The following RIMBP2 variants were observed in gnomAD, a reference collection of about 807,000 sequenced individuals.
RIMBP2 encodes RIMS-binding protein 2.
Under a neutral mutation model 118.6 loss-of-function variants are expected in RIMBP2, and 48 were observed. The observed-to-expected ratio is 0.40, with a 90% confidence interval of 0.32 to 0.51. RIMBP2 has a LOEUF of 0.51. Among genes scored for constraint, RIMBP2 ranks in the 20% least tolerant of loss-of-function variants. RIMBP2 has a pLI of 0.41. For synonymous variants in RIMBP2, 762 were observed against 742.9 expected (o/e 1.03, Z -0.42); for missense variants, 1,551 against 1,768.3 (o/e 0.88, Z 2.20).
At chr12:130,573,071 G>A (rs889185878) in intron 2 of RIMBP2, among the ~76,000 whole-genome samples, 3 of 152,178 alleles carry the variant, frequency 2.0e-5, no homozygotes, top group African/African-American at 7.2e-5. Context: ...GCCCCAAAAC[G>A]TGGTCAGACC....
intron 4 of RIMBP2, among the ~76,000 whole-genome samples, chr12:130,500,489 A>G (rs2049642790): frequency 1.3e-5 from 2 of 152,272 alleles, no homozygotes; most frequent in South Asian, 4.2e-4. Context: ...AAATAAATAA[A>G]TAAGCCATGT....
chr12:130,574,916 A>T (rs4999240), intron 2 of RIMBP2, among the ~76,000 whole-genome samples: 37,731 of 146,894 alleles, frequency 0.26, 5,976 homozygotes, highest in East Asian at 0.36. Context: ...TGTGAGCAGA[A>T]GACCTGAGTG....
intron 2 of RIMBP2, among the ~76,000 whole-genome samples, 162 bp downstream of exon 2, chr12:130,628,160 A>G (rs1246097115): frequency 2.0e-5 from 3 of 152,148 alleles, no homozygotes; most frequent in Non-Finnish European, 4.4e-5. Context: ...GAGGGTAAGG[A>G]ACACATCTGC....
chr12:130,557,332 C>T (rs191468109), intron 2 of RIMBP2, among the ~76,000 whole-genome samples: 9 of 152,268 alleles, frequency 5.9e-5, no homozygotes, highest in East Asian at 1.9e-4. Context: ...CCAACTGTCA[C>T]GCCACACGTT....
At chr12:130,580,897 GC>G (rs2058430749) in intron 2 of RIMBP2, among the ~76,000 whole-genome samples, 1 of 152,098 alleles carries the variant, frequency 6.6e-6, no homozygotes. Context: ...CCGAGAAACA[GC>G]CCGGGAGACA....
At chr12:130,549,446 TAC>T (rs2055515676) in intron 2 of RIMBP2, among the ~76,000 whole-genome samples, 1 of 152,188 alleles carries the variant, frequency 6.6e-6, no homozygotes, top group South Asian at 2.1e-4. Context: ...GGGCTTGTCG[TAC>T]AGATTATGTC....
At chr12:130,607,699 T>C (rs1423287235) in intron 2 of RIMBP2, among the ~76,000 whole-genome samples, 1 of 151,964 alleles carries the variant, frequency 6.6e-6, no homozygotes, top group African/African-American at 2.4e-5. Flanking sequence ...CCTGCATTGG[T>C]CAGAAACTGC....
chr12:130,705,766 GC>G lies in RIMBP2; in HGVS notation c.-352+10455del, dbSNP rs1420756438. ...CCAACACAGACAGGGCAGGCCCAGT[GC>G]CCCAAGGCAAACGCCCACCAATGGG... On this transcript the variant is annotated intron_variant, in intron 1 of 22. Transcript: ENST00000690449. Among the ~76,000 whole-genome samples the G allele has an allele frequency of 6.6e-5, 10 of 152,356 alleles. No homozygotes were observed. In the East Asian group the frequency reaches 1.9e-3, roughly 29 times the overall value.
At chr12:130,454,094 T>G (rs1424950509) in intron 7 of RIMBP2, among the ~76,000 whole-genome samples, 3 of 152,136 alleles carry the variant, frequency 2.0e-5, no homozygotes, top group African/African-American at 4.8e-5. Context: ...GATTATAGAC[T>G]TGAAGTTTAC....
At chr12:130,650,971 A>AAAG (rs1201911382) in intron 1 of RIMBP2, among the ~76,000 whole-genome samples, 2 of 149,738 alleles carry the variant, frequency 1.3e-5, no homozygotes, top group African/African-American at 4.9e-5. Context: ...AAAAAAAAAA[A>AAAG]AAAAAGAAAG....
rs368542165 is a variant in RIMBP2, at chr12:130,518,248, G to A, written c.-216-331C>T. Among the ~76,000 whole-genome samples, 37 of 152,198 alleles carry A rather than the reference G, an allele frequency of 2.4e-4. 1 individual carries two copies. Among genetic ancestry groups the A allele is most frequent in the Middle Eastern group, 3.4e-3 (1 of 294 alleles). ...TAAGCTTTGACCCATCCTTTTTCCC[G>A]TGAACACTGCTCCAAACATACAGCC... On this transcript the variant is annotated intron_variant, in intron 2 of 22. Transcript: ENST00000690449.
chr12:130,438,230 C>T, intron 12 of RIMBP2, 135 bp downstream of exon 12: 1 of 962,464 alleles, frequency 1.0e-6, no homozygotes, highest in Non-Finnish European at 1.6e-6. Context: ...CTGATGGAGT[C>T]TTCGGGGTTG....
chr12:130,518,960 G>C (rs747751372), intron 2 of RIMBP2, among the ~76,000 whole-genome samples: 1 of 152,184 alleles, frequency 6.6e-6, no homozygotes, highest in African/African-American at 2.4e-5. Flanking sequence ...CTAAAAGAAG[G>C]AATGGCATCC....
Position 130,442,561 on chromosome 12 carries a change from T to G in RIMBP2, c.791A>C (p.Gln264Pro). ...SRLASTLGNE[Q>P]DQNFINHSGI... ...GGAATGGTTGATGAAGTTCTGATCC[T>G]GCTCGTTCCCCAGCGTGCTTGCCAA... Residue 264 changes from glutamine to proline, a missense_variant, in exon 11 of 23, where the codon CAG becomes CCG. Around this residue, in one of 5 missense-constraint regions of RIMBP2, gnomAD observed 265 missense variants for 349.5 expected, o/e 0.76. Coordinates refer to ENST00000690449, the MANE Select transcript of RIMBP2 (RefSeq NM_001393629.1). The surrounding 1 kb of genome is among the most constrained non-coding windows in gnomAD (Gnocchi z 6.9). 1 of 1,614,154 alleles carries G rather than the reference T, an allele frequency of 6.2e-7. No homozygotes were observed. Among genetic ancestry groups the G allele is most frequent in the Non-Finnish European group, 8.5e-7 (1 of 1,180,002 alleles).
intron 2 of RIMBP2, among the ~76,000 whole-genome samples, chr12:130,626,901 C>T (rs113393103): frequency 0.057 from 8,589 of 151,448 alleles, 545 homozygotes; most frequent in African/African-American, 0.16. Flanking sequence ...CCGGCATCAC[C>T]ACCATCTTCT....
chr12:130,567,441 G>A (rs1388432140), intron 2 of RIMBP2, among the ~76,000 whole-genome samples: 1 of 152,190 alleles, frequency 6.6e-6, no homozygotes, highest in Non-Finnish European at 1.5e-5. Flanking sequence ...GCACTCTGAT[G>A]TACTTTCCAG....
chr12:130,498,033 C>CA (rs2049354379), intron 4 of RIMBP2, among the ~76,000 whole-genome samples: 1 of 152,264 alleles, frequency 6.6e-6, no homozygotes, highest in African/African-American at 2.4e-5. Flanking sequence ...TTTATACAGT[C>CA]ACCTGTGAGC....
intron 2 of RIMBP2, among the ~76,000 whole-genome samples, chr12:130,585,698 C>T (rs575940003): frequency 5.3e-5 from 8 of 152,032 alleles, no homozygotes; most frequent in African/African-American, 1.9e-4. Flanking sequence ...TTTGAAAAAT[C>T]CAAAGATCTA....
At chr12:130,694,888 G>A (rs565157404) in intron 1 of RIMBP2, among the ~76,000 whole-genome samples, 36 of 152,316 alleles carry the variant, frequency 2.4e-4, no homozygotes, top group Non-Finnish European at 4.3e-4. Context: ...CACGTAGTAC[G>A]TGATCAGCAA....
Sources: gnomAD v4.1 joint callset for allele counts (sites outside exome capture counted in the v4.1 genomes callset) on GRCh38, gnomAD v4.1.1 for gene constraint, gnomAD v4.1.1 regional missense constraint, Gnocchi (gnomAD v3.1) non-coding constraint, MANE v1.5 for transcripts, NCBI Gene and HGNC (gene_info 2026-07-23, HGNC 2026-07-21) for gene names.